PUM1: variants seen among roughly 807,000 people sequenced by gnomAD.
PUM1 encodes the protein pumilio homolog 1.
In PUM1, 13 loss-of-function variants were observed where a neutral mutation model predicts 131.8. The ratio of observed to expected loss-of-function variants is 0.10; its 90% CI spans 0.06 to 0.16. PUM1 has a LOEUF of 0.16. Ranked by LOEUF, PUM1 falls within the 10% of genes least tolerant of loss-of-function variation. The pLI is 1.00. For synonymous variants in PUM1, 509 were observed against 556.5 expected (o/e 0.91, Z 1.20); for missense variants, 961 against 1,512.4 (o/e 0.64, Z 6.05).
chr1:31,054,232 G>A (rs901458849), intron 2 of PUM1, among the ~76,000 whole-genome samples: 2 of 151,904 alleles, frequency 1.3e-5, no homozygotes, highest in Admixed American at 1.3e-4. Flanking sequence ...GGCTAAGGCA[G>A]AAGAATCGCT....
At chr1:30,971,557 T>G (rs1044424480) in intron 10 of PUM1, among the ~76,000 whole-genome samples, 4 of 152,134 alleles carry the variant, frequency 2.6e-5, no homozygotes, top group Non-Finnish European at 5.9e-5. Context: ...AAACACAAGA[T>G]CTCAGATTTT....
intron 2 of PUM1, among the ~76,000 whole-genome samples, chr1:31,049,609 G>T (rs181027105): frequency 1.3e-5 from 2 of 152,012 alleles, no homozygotes; most frequent in Admixed American, 1.3e-4. Context: ...GAACCCAGGA[G>T]GAAGAGGTTG....
At chr1:30,945,672 T>C (rs1049105688) in intron 17 of PUM1, among the ~76,000 whole-genome samples, 189 bp from the exon 18 acceptor site, 3 of 152,052 alleles carry the variant, frequency 2.0e-5, no homozygotes, top group Non-Finnish European at 4.4e-5. Context: ...CATTAGCCAA[T>C]TTACAGTAAA....
chr1:31,042,054 C>T (rs1643835114), intron 2 of PUM1, among the ~76,000 whole-genome samples: 2 of 152,050 alleles, frequency 1.3e-5, no homozygotes, highest in Admixed American at 1.3e-4. Flanking sequence ...CCTGTAATCC[C>T]AGGACTTTGG....
chr1:30,995,348 A>G, intron 5 of PUM1, 128 bp from the exon 6 acceptor site: 1 of 988,866 alleles, frequency 1.0e-6, no homozygotes, highest in Non-Finnish European at 1.5e-6. Flanking sequence ...CACACATTAC[A>G]ATCTAATTAA....
At chr1:31,021,687 T>G (rs1165368903) in intron 3 of PUM1, among the ~76,000 whole-genome samples, 1 of 152,190 alleles carries the variant, frequency 6.6e-6, no homozygotes, top group Non-Finnish European at 1.5e-5. Context: ...GGGGCTTTGA[T>G]AAGCCACAGA....
chr1:31,030,788 T>G (rs1305725403), intron 2 of PUM1, among the ~76,000 whole-genome samples: 1 of 152,000 alleles, frequency 6.6e-6, no homozygotes, highest in Non-Finnish European at 1.5e-5. Flanking sequence ...CTGTCAGAAC[T>G]AACACTGCAA....
intron 2 of PUM1, among the ~76,000 whole-genome samples, chr1:31,056,788 A>G (rs1644251847): frequency 6.6e-6 from 1 of 151,374 alleles, no homozygotes. Flanking sequence ...CCCCACGCCC[A>G]GCTAATTTTT....
chr1:31,011,444 G>A (rs1398549742), intron 3 of PUM1, among the ~76,000 whole-genome samples: 1 of 152,074 alleles, frequency 6.6e-6, no homozygotes, highest in Non-Finnish European at 1.5e-5. Context: ...ATTTAGACAT[G>A]TTGAGCTTAC....
intron 5 of PUM1, among the ~76,000 whole-genome samples, chr1:31,001,610 G>A (rs1448227503): frequency 2.0e-5 from 3 of 152,072 alleles, no homozygotes; most frequent in Admixed American, 1.3e-4. Flanking sequence ...AATTAATAGA[G>A]ACAACAGTAT....
At chr1:31,009,767 C>CAA (rs751375199) in intron 3 of PUM1, among the ~76,000 whole-genome samples, 20 of 54,516 alleles carry the variant, frequency 3.7e-4, no homozygotes, top group Non-Finnish European at 6.3e-4. Context: ...GACTCTGTCT[C>CAA]AAAAAAAAAA....
At chr1:31,008,261 C>T (rs1412126700) in intron 3 of PUM1, among the ~76,000 whole-genome samples, 1 of 152,118 alleles carries the variant, frequency 6.6e-6, no homozygotes, top group African/African-American at 2.4e-5. Flanking sequence ...CTGGGTTTCT[C>T]GGCATAATTT....
chr1:30,978,205 C>T (rs149637920), intron 9 of PUM1, among the ~76,000 whole-genome samples: 2 of 152,212 alleles, frequency 1.3e-5, no homozygotes, highest in Non-Finnish European at 2.9e-5. Flanking sequence ...GCCGAGATCG[C>T]ACCACTGAAC....
chr1:30,984,610 C>T (rs1384677783), intron 7 of PUM1, among the ~76,000 whole-genome samples: 3 of 152,138 alleles, frequency 2.0e-5, no homozygotes, highest in African/African-American at 7.2e-5. Context: ...TCAAGCATAT[C>T]GAGGTTCCTA....
chr1:31,038,958 T>TTATATA (rs200492434), intron 2 of PUM1, among the ~76,000 whole-genome samples: 72 of 43,904 alleles, frequency 1.6e-3, no homozygotes, highest in South Asian at 4.3e-3. Flanking sequence ...TTTTAAAATT[T>TTATATA]TATATATATA....
chr1:30,974,829 A>T (rs1216989627), intron 9 of PUM1, 27 bp from the exon 10 acceptor site: 11 of 1,591,514 alleles, frequency 6.9e-6, no homozygotes, highest in African/African-American at 1.3e-5. Flanking sequence ...AAAGGTAAAG[A>T]AAGTCTGAAC....
intron 5 of PUM1, among the ~76,000 whole-genome samples, chr1:31,004,168 T>C (rs906342984): frequency 6.6e-6 from 1 of 152,202 alleles, no homozygotes; most frequent in Non-Finnish European, 1.5e-5. Flanking sequence ...GTCATCAAAA[T>C]AACCGTCTAG....
At chr1:30,994,940 C>T in intron 6 of PUM1, 114 bp downstream of exon 6, 1 of 1,178,090 alleles carries the variant, frequency 8.5e-7, no homozygotes, top group Non-Finnish European at 1.2e-6. Context: ...AGATTGGATT[C>T]TTAAAAAGAA....
intron 10 of PUM1, among the ~76,000 whole-genome samples, chr1:30,970,653 A>C (rs1332487310): frequency 3.9e-5 from 6 of 152,082 alleles, no homozygotes; most frequent in African/African-American, 1.4e-4. Flanking sequence ...ATACCCAATA[A>C]CTCAAAAGAG....
Sources: gnomAD v4.1 joint callset for allele counts (sites outside exome capture counted in the v4.1 genomes callset) on GRCh38, gnomAD v4.1.1 for gene constraint, MANE v1.5 for transcripts, NCBI Gene and HGNC (gene_info 2026-07-23, HGNC 2026-07-21) for gene names.